The following RNF215 variants were observed in gnomAD, a reference collection of about 807,000 sequenced individuals.
The protein encoded by RNF215 is ring finger protein 215.
A neutral mutation model predicts 44.8 loss-of-function variants in RNF215; 41 were observed. That is an observed-to-expected ratio of 0.92 (90% CI 0.71 to 1.19). The LOEUF (loss-of-function observed/expected upper bound fraction) is 1.19, where lower values mean the gene tolerates loss of function less well. Ranked by LOEUF, RNF215 falls within the 50% of genes most tolerant of loss-of-function variation. RNF215 has a pLI of 0.00. For missense variants in RNF215, 452 were observed against 496.2 expected (o/e 0.91, Z 0.85); for synonymous variants, 218 against 230.1 (o/e 0.95, Z 0.48).
At position 30,387,317 on chromosome 22, in the gene RNF215, C is replaced by A; in HGVS notation, c.-4G>T. On this transcript the variant is annotated 5_prime_UTR_variant, in exon 1 of 9. Coordinates refer to ENST00000382363, the MANE Select transcript of RNF215 (RefSeq NM_001017981.2). ...CGGGGCGAGCGGCGGGGCCCATGGCCGGACCCGGCGAGCTGGCCCAACAGT... is the reference window on the plus strand; with the variant it reads ...CGGGGCGAGCGGCGGGGCCCATGGCAGGACCCGGCGAGCTGGCCCAACAGT... 1 of 1,058,736 alleles carries A rather than the reference C, an allele frequency of 9.4e-7. No individual in the cohort carries two copies. The allele number at this position is 1,058,736 out of a possible 1,614,324, so 65.6% of individuals were successfully genotyped here.
At chr22:30,386,020 G>A (rs1355270927) in intron 3 of RNF215, 31 bp from the exon 4 acceptor site, 5 of 1,613,698 alleles carry the variant, frequency 3.1e-6, no homozygotes, top group Non-Finnish European at 4.2e-6. Context: ...CAGCAGGCCT[G>A]GGTCCCCCTT....
chr22:30,380,066 T>C lies in RNF215; in HGVS notation c.1004A>G (p.Lys335Arg). The C allele has an allele frequency of 1.2e-6, 2 of 1,613,810 alleles. No individual in the cohort carries two copies. The highest frequency in any genetic ancestry group is 1.3e-5 in the African/African-American group (1 of 74,976). ...GTCTCTACCCGGGGCACTAGCCTGT[T>C]TGTTGCAGAAGTAGTCCAGGCACAC... ...CAVCLDYFCN[K>R]QWLRVLPCKH... Residue 335 changes from lysine to arginine, a missense_variant, in exon 7 of 9, where the codon AAA (lysine) becomes AGA (arginine). By Grantham distance (26) the Lys-to-Arg change is conservative. Coordinates refer to ENST00000382363, the MANE Select transcript of RNF215 (RefSeq NM_001017981.2). The surrounding 1 kb of genome is among the most constrained non-coding windows in gnomAD (Gnocchi z 5.3).
At chr22:30,386,998 T>C (rs777593478) in intron 1 of RNF215, 31 bp downstream of exon 1, 9 of 1,536,742 alleles carry the variant, frequency 5.9e-6, no homozygotes, top group Middle Eastern at 2.3e-4. Context: ...AGGGGTTTAG[T>C]GATGCGGCCA....
In RNF215 at chr22:30,387,244, G is replaced by A; in HGVS notation, c.70C>T (p.Leu24=). ...AGCGGCAGCAGGGGCAGCAGCAGCA[G>A]CAGCGGAGACGGAGGCGGCGGCGGA... ...PPPPPPPSPL[L]LLLPLLPLWL... Residue 24 remains leucine, a synonymous_variant, in exon 1 of 9, where the codon CTG becomes TTG. Transcript: ENST00000382363. The A allele has an allele frequency of 2.0e-6, 2 of 1,018,600 alleles. No homozygotes were observed. Among genetic ancestry groups the A allele is most frequent in the African/African-American group, 1.7e-5 (1 of 57,784 alleles). 63.1% of individuals were successfully genotyped at this position (1,018,600 alleles called of 1,614,324 possible). A position where few individuals can be genotyped will look rare whatever the true frequency, so the allele number is the denominator to read the frequency against.
rs1335764958 is a variant in RNF215, at chr22:30,384,271, T to A, written c.744+68A>T. On this transcript the variant is annotated intron_variant, in intron 5 of 8. Transcript: ENST00000382363. ...TGGGGAGAAGCCACAGGATTTTCAA[T>A]ACAAAGCCATGTATATGGCCCCACG... is the stretch of plus-strand genomic sequence containing the variant. 5 of 1,507,396 alleles carry A rather than the reference T, an allele frequency of 3.3e-6. No individual in the cohort carries two copies. The African/African-American group carries it at 5.5e-5, about 17-fold the overall frequency. 93.4% of individuals were successfully genotyped at this position (1,507,396 alleles called of 1,614,324 possible).
At position 30,380,026 on chromosome 22, in the gene RNF215, G is replaced by T. The variant is rs1171468877; in HGVS notation, c.1008+36C>A. 6.2e-7 allele frequency: 1 copy of T among 1,611,076 alleles called. No homozygotes were observed. ...AGGAGTAAGGTGGGAGGCATCACAG[G>T]TGAGCTGATGGCTGGTCTCTACCCG... On this transcript the variant is annotated intron_variant, in intron 7 of 8. Transcript: ENST00000382363. The surrounding 1 kb of genome is among the most constrained non-coding windows in gnomAD (Gnocchi z 5.3).
Position 30,387,394 on chromosome 22 carries a change from C to G in RNF215, c.-81G>C. ...GGATCGGAGGGAGCGAGGCCGCTGCCGGACGGGGCGGGGCGCCGGGAGGGG... is the reference window on the plus strand; with the variant it reads ...GGATCGGAGGGAGCGAGGCCGCTGCGGGACGGGGCGGGGCGCCGGGAGGGG... On this transcript the variant is annotated 5_prime_UTR_variant, in exon 1 of 9. Coordinates refer to ENST00000382363, the MANE Select transcript of RNF215 (RefSeq NM_001017981.2). The G allele has an allele frequency of 1.1e-6, 1 of 899,076 alleles. No individual in the cohort carries two copies. Among genetic ancestry groups the G allele is most frequent in the African/African-American group, 1.8e-5 (1 of 55,276 alleles). 55.7% of individuals were successfully genotyped at this position (899,076 alleles called of 1,614,324 possible). A position where few individuals can be genotyped will look rare whatever the true frequency, so the allele number is the denominator to read the frequency against.
intron 2 of RNF215, among the ~76,000 whole-genome samples, 161 bp downstream of exon 2, chr22:30,386,455 C>A (rs531982991): frequency 6.6e-6 from 1 of 152,188 alleles, no homozygotes; most frequent in African/African-American, 2.4e-5. Context: ...CTCCCTGCTT[C>A]GAAGCCATAC....
intron 5 of RNF215, among the ~76,000 whole-genome samples, chr22:30,383,010 C>T (rs1933549045): frequency 6.6e-6 from 1 of 152,110 alleles, no homozygotes; most frequent in Admixed American, 6.5e-5. Context: ...ACTGAGGTGG[C>T]AGGGTCACTT....
intron 4 of RNF215, among the ~76,000 whole-genome samples, chr22:30,385,536 C>T (rs1220992924): frequency 6.6e-6 from 1 of 152,022 alleles, no homozygotes; most frequent in Non-Finnish European, 1.5e-5. Context: ...CCTGTAATCC[C>T]AGCACTTTGG....
chr22:30,387,095 G>T lies in RNF215; in HGVS notation c.219C>A (p.Val73=). The change falls in exon 1 of 9, where the codon GTC becomes GTA. Residue 73 remains valine, a synonymous_variant. Coordinates refer to ENST00000382363, the MANE Select transcript of RNF215 (RefSeq NM_001017981.2). ...DVRLPRQDAL[V]LEGVRIGSEA... is the part of the protein sequence containing the mutation. ...CGGAGCCGATCCTGACGCCCTCCAGGACCAGAGCGTCCTGGCGCGGCAGTC... is the reference window on the plus strand; with the variant it reads ...CGGAGCCGATCCTGACGCCCTCCAGTACCAGAGCGTCCTGGCGCGGCAGTC... 6.5e-7 allele frequency: 1 copy of T among 1,530,684 alleles called. No homozygotes were observed. The allele number at this position is 1,530,684 out of a possible 1,614,324, so 94.8% of individuals were successfully genotyped here. A position where few individuals can be genotyped will look rare whatever the true frequency, so the allele number is the denominator to read the frequency against.
intron 1 of RNF215, 104 bp downstream of exon 1, chr22:30,386,925 C>T: frequency 6.7e-7 from 1 of 1,490,468 alleles, no homozygotes; most frequent in African/African-American, 1.4e-5. Flanking sequence ...GCGCTGGACT[C>T]TCAAGGCTTG....
chr22:30,381,400 A>G (rs777648085), intron 5 of RNF215, among the ~76,000 whole-genome samples: 5 of 152,222 alleles, frequency 3.3e-5, no homozygotes, highest in African/African-American at 7.2e-5. Context: ...GGGCAGCCTC[A>G]GAGTGACTGA....
chr22:30,386,788 G>A (rs750470293), intron 1 of RNF215, 29 bp from the exon 2 acceptor site: 2 of 1,591,466 alleles, frequency 1.3e-6, no homozygotes, highest in Admixed American at 3.4e-5. Flanking sequence ...TGAGCAGAGG[G>A]AGGTAGGGTG....
chr22:30,386,498 C>G, intron 2 of RNF215, 118 bp downstream of exon 2: 1 of 1,332,086 alleles, frequency 7.5e-7, no homozygotes. Flanking sequence ...GTGCCCTGAC[C>G]CACCAGGCCT....
At position 30,379,323 on chromosome 22, in the gene RNF215, T is replaced by C. The variant is rs1163238764; in HGVS notation, c.*277A>G. Reference sequence around the variant, plus strand: ...TCCTTATTGACCTGGGAGCTGCCTGTAAGGAGGGCAGACTCACGTCACAGG... The same window carrying C: ...TCCTTATTGACCTGGGAGCTGCCTGCAAGGAGGGCAGACTCACGTCACAGG... On this transcript the variant is annotated 3_prime_UTR_variant, in exon 9 of 9. Transcript: ENST00000382363. 7.1e-5 allele frequency: 37 copies of C among 523,216 alleles called. No individual in the cohort carries two copies. In the East Asian group the frequency reaches 1.2e-3, roughly 17 times the overall value. The allele number at this position is 523,216 out of a possible 1,614,324, so 32.4% of individuals were successfully genotyped here.
chr22:30,384,994 G>A (rs1933576499), intron 4 of RNF215, among the ~76,000 whole-genome samples: 2 of 151,984 alleles, frequency 1.3e-5, no homozygotes, highest in Non-Finnish European at 2.9e-5. Flanking sequence ...GTATTTTTTT[G>A]TAGAGACTGA....
At position 30,380,861 on chromosome 22, in the gene RNF215, T is replaced by G. The variant is rs737813; in HGVS notation, c.745-460A>C. Among the ~76,000 whole-genome samples, 30,694 of 152,072 alleles carry G rather than the reference T, an allele frequency of 0.2. 3,362 individuals carry two copies. The highest frequency in any genetic ancestry group is 0.36 in the Middle Eastern group (105 of 292). On this transcript the variant is annotated intron_variant, in intron 5 of 8. Coordinates refer to ENST00000382363, the MANE Select transcript of RNF215 (RefSeq NM_001017981.2). This position sits in a 1 kb window ranked among gnomAD's most constrained non-coding sequence, Gnocchi z 5.3. Reference sequence around the variant, plus strand: ...TCCAGCCTGAATGTTCGCACCCCCCTGTACGGGAGGGAGCCAGCCCCCAAG... The same window carrying G: ...TCCAGCCTGAATGTTCGCACCCCCCGGTACGGGAGGGAGCCAGCCCCCAAG...
rs1023710938 is a variant in RNF215 at position 30,387,363 on chromosome 22, C to CG, written c.-51dup. 2.3e-4 allele frequency: 237 copies of CG among 1,014,296 alleles called. No individual in the cohort carries two copies. The highest frequency in any genetic ancestry group is 7.3e-4 in the East Asian group (8 of 10,914). The allele number at this position is 1,014,296 out of a possible 1,614,324, so 62.8% of individuals were successfully genotyped here. A position where few individuals can be genotyped will look rare whatever the true frequency, so the allele number is the denominator to read the frequency against. On this transcript the variant is annotated 5_prime_UTR_variant, in exon 1 of 9. Transcript: ENST00000382363. The stretch of plus-strand genomic sequence containing the variant: ...ACAGTGGGGCCAGGGGTCCCGGGCG[C>CG]GGGGGGGATCGGAGGGAGCGAGGCC...
Sources: gnomAD v4.1 joint callset for allele counts (sites outside exome capture counted in the v4.1 genomes callset) on GRCh38, gnomAD v4.1.1 for gene constraint, Gnocchi (gnomAD v3.1) non-coding constraint, MANE v1.5 for transcripts, NCBI Gene and HGNC (gene_info 2026-07-23, HGNC 2026-07-21) for gene names.